The following CDH2 variants were observed in gnomAD, a reference collection of about 807,000 sequenced individuals.
The protein encoded by CDH2 is cadherin-2.
In CDH2, 17 loss-of-function variants were observed where a neutral mutation model predicts 92.0. The ratio of observed to expected loss-of-function variants is 0.18; its 90% CI spans 0.13 to 0.28. The LOEUF is 0.28. Ranked by LOEUF, CDH2 falls within the 10% of genes least tolerant of loss-of-function variation. The pLI, the probability that CDH2 is intolerant of heterozygous loss-of-function variation, is 1.00. For missense variants in CDH2, 862 were observed against 1,133.1 expected, an observed-to-expected ratio of 0.76 and a Z score of 3.44; for synonymous variants, 419 against 415.9, an observed-to-expected ratio of 1.01 and a Z score of -0.09.
chr18:27,985,585 C>A lies in CDH2; in HGVS notation c.1918G>T (p.Asp640Tyr). ...IDPNAGPFAF[D>Y]LPLSPVTIKR... is the part of the protein sequence containing the mutation. ...ATAGTCACTGGAGATAAAGGAAGATCAAAAGCAAATGGTCCAGCATTTGGA... is the reference window on the plus strand; with the variant it reads ...ATAGTCACTGGAGATAAAGGAAGATAAAAAGCAAATGGTCCAGCATTTGGA... Residue 640 changes from aspartate (D) to tyrosine (Y), a missense_variant, in exon 12 of 16, where the codon GAT (aspartate) becomes TAT (tyrosine). Asp to Tyr is a radical substitution (Grantham distance 160, BLOSUM62 -3). Transcript: ENST00000269141. 2 of 1,613,990 alleles carry A rather than the reference C, an allele frequency of 1.2e-6. No individual in the cohort carries two copies. Among genetic ancestry groups the A allele is most frequent in the East Asian group, 2.2e-5 (1 of 44,860 alleles).
intron 2 of CDH2, among the ~76,000 whole-genome samples, chr18:28,110,882 T>C (rs2015399920): frequency 6.6e-6 from 1 of 152,006 alleles, no homozygotes; most frequent in African/African-American, 2.4e-5. Flanking sequence ...CTCTAAATTG[T>C]TGGTTCTCTT....
At chr18:28,141,874 C>T (rs2144316955) in intron 2 of CDH2, among the ~76,000 whole-genome samples, 1 of 151,732 alleles carries the variant, frequency 6.6e-6, no homozygotes, top group Middle Eastern at 3.4e-3. Context: ...AATGCTTCTC[C>T]CCTTAATATG....
rs563787452 is a variant in CDH2 at position 28,036,324 on chromosome 18, G to T, written c.173-22415C>A. On this transcript the variant is annotated intron_variant, in intron 2 of 15. Coordinates refer to ENST00000269141, the MANE Select transcript of CDH2 (RefSeq NM_001792.5). ...GTGATTATGTTTTAGTTTGATTTTA[G>T]GTTAACAGAAATTCACATAAGCATT... 24 of 622,308 alleles carry T rather than the reference G, an allele frequency of 3.9e-5. No individual in the cohort carries two copies. The South Asian group carries it at 3.9e-4, about 10-fold the overall frequency. 38.5% of individuals were successfully genotyped at this position (622,308 alleles called of 1,614,324 possible). A position where few individuals can be genotyped will look rare whatever the true frequency, so the allele number is the denominator to read the frequency against.
intron 2 of CDH2, chr18:28,036,676 T>G: frequency 1.5e-6 from 1 of 688,874 alleles, no homozygotes; most frequent in Non-Finnish European, 2.5e-6. Flanking sequence ...TTTTTATAAC[T>G]GGAATACTGA....
At chr18:28,157,703 T>G (rs183764487) in intron 1 of CDH2, among the ~76,000 whole-genome samples, 55 of 152,260 alleles carry the variant, frequency 3.6e-4, no homozygotes, top group African/African-American at 1.2e-3. Flanking sequence ...ATAATAAACT[T>G]TCTCCTAAAA....
intron 2 of CDH2, among the ~76,000 whole-genome samples, chr18:28,081,830 A>T (rs2014836563): frequency 6.6e-6 from 1 of 152,212 alleles, no homozygotes; most frequent in Non-Finnish European, 1.5e-5. Flanking sequence ...CATTAAGGTA[A>T]TAAAATATAT....
chr18:28,046,775 TA>T (rs17494031), intron 2 of CDH2, among the ~76,000 whole-genome samples: 41,755 of 152,062 alleles, frequency 0.27, 5,965 homozygotes, highest in African/African-American at 0.29. Flanking sequence ...AATAGTCCTT[TA>T]AAAAATGTGG....
At position 27,994,842 on chromosome 18, in the gene CDH2, C is replaced by T. The variant is rs1277189348; in HGVS notation, c.1021-1205G>A. On this transcript the variant is annotated intron_variant, in intron 7 of 15. Coordinates refer to ENST00000269141, the MANE Select transcript of CDH2 (RefSeq NM_001792.5). The stretch of plus-strand genomic sequence containing the variant: ...AAACCGCCCACACTAGATTCTAAGT[C>T]TCTGTCTGTCCACCCAAATGCCAAT... Among the ~76,000 whole-genome samples, 4 of 152,084 alleles carry T rather than the reference C, an allele frequency of 2.6e-5. No individual in the cohort carries two copies. The East Asian group carries it at 7.7e-4, about 29-fold the overall frequency.
chr18:28,006,004 A>G lies in CDH2; in HGVS notation c.703-11T>C, dbSNP rs539690090. The G allele has an allele frequency of 2.5e-6, 4 of 1,601,086 alleles. No individual in the cohort carries two copies. The East Asian group carries it at 9.0e-5, about 36-fold the overall frequency. On this transcript the variant is annotated splice_polypyrimidine_tract_variant and intron_variant, in intron 5 of 15. Coordinates refer to ENST00000269141, the MANE Select transcript of CDH2 (RefSeq NM_001792.5). ...TGCATGTGCCCTCAACTGCAAAAGTAATTAGAAAACAACTATTTAACAGAT... is the reference window on the plus strand; with the variant it reads ...TGCATGTGCCCTCAACTGCAAAAGTGATTAGAAAACAACTATTTAACAGAT...
At chr18:28,043,288 C>T (rs2013985517) in intron 2 of CDH2, among the ~76,000 whole-genome samples, 1 of 151,126 alleles carries the variant, frequency 6.6e-6, no homozygotes, top group Non-Finnish European at 1.5e-5. Flanking sequence ...ATATAATGGA[C>T]TTTGGGGACT....
chr18:28,037,243 C>A (rs1247881865), intron 2 of CDH2, among the ~76,000 whole-genome samples: 1 of 152,136 alleles, frequency 6.6e-6, no homozygotes, highest in Non-Finnish European at 1.5e-5. Context: ...GCTCTAAGTG[C>A]AAACCATGCC....
chr18:27,935,997 T>A (rs933058543), intron 6 of CDH2, among the ~76,000 whole-genome samples: 2 of 152,198 alleles, frequency 1.3e-5, no homozygotes, highest in South Asian at 2.1e-4. Context: ...TGTTGCACTA[T>A]AAACACAACT....
At chr18:28,103,209 A>T (rs904800124) in intron 2 of CDH2, among the ~76,000 whole-genome samples, 1 of 146,134 alleles carries the variant, frequency 6.8e-6, no homozygotes, top group Admixed American at 6.9e-5. Context: ...ATATATATAT[A>T]AAGTACATAT....
At chr18:28,003,235 A>T (rs9646566) in intron 6 of CDH2, 66 bp from the exon 7 acceptor site, 60,104 of 1,226,378 alleles carry the variant, frequency 0.049, 1,737 homozygotes, top group East Asian at 0.067. Context: ...AATAGAAGGT[A>T]TATTTATTGT....
Position 28,009,801 on chromosome 18 carries a change from T to C in CDH2, c.618A>G (p.Pro206=). The C allele has an allele frequency of 6.2e-7, 1 of 1,613,932 alleles. No individual in the cohort carries two copies. The highest frequency in any genetic ancestry group is 8.5e-7 in the Non-Finnish European group (1 of 1,179,874). ...TGGGGTTGATAATGAAGATACCAGT[T>C]GGAGGCTGGTCAGCTCCTGGCCCAG... The part of the protein sequence containing the change: ...SVTGPGADQP[P]TGIFIINPIS... Residue 206 remains proline, a synonymous_variant, in exon 5 of 16, where the codon CCA becomes CCG. Coordinates refer to ENST00000269141, the MANE Select transcript of CDH2 (RefSeq NM_001792.5).
chr18:28,020,775 A>C (rs2013387975), intron 2 of CDH2, among the ~76,000 whole-genome samples: 1 of 152,020 alleles, frequency 6.6e-6, no homozygotes, highest in Admixed American at 6.6e-5. Flanking sequence ...AGAGCTGTGT[A>C]ACACAAAGAA....
At chr18:28,145,562 T>G (rs1199433036) in intron 2 of CDH2, among the ~76,000 whole-genome samples, 1 of 151,898 alleles carries the variant, frequency 6.6e-6, no homozygotes, top group East Asian at 1.9e-4. Context: ...TAATAAAAAC[T>G]CCAAAAAGAT....
At chr18:27,981,501 G>T (rs2143942271) in intron 14 of CDH2, among the ~76,000 whole-genome samples, 1 of 152,258 alleles carries the variant, frequency 6.6e-6, no homozygotes, top group Non-Finnish European at 1.5e-5. Context: ...TGAGAGAGCT[G>T]GGGTATTGTA....
At chr18:28,021,053 CGTT>C (rs1366086842) in intron 2 of CDH2, among the ~76,000 whole-genome samples, 2 of 151,834 alleles carry the variant, frequency 1.3e-5, no homozygotes, top group African/African-American at 4.8e-5. Context: ...ATGGTTGTCT[CGTT>C]GTCAATATCC....
Sources: allele counts gnomAD v4.1 joint callset (sites outside exome capture counted in the v4.1 genomes callset), GRCh38; gene constraint gnomAD v4.1.1; transcripts MANE v1.5; gene names NCBI Gene and HGNC (gene_info 2026-07-23, HGNC 2026-07-21).